The following PSG2 variants were observed in gnomAD, a reference collection of about 807,000 sequenced individuals.
PSG2 encodes the protein pregnancy-specific beta-1-glycoprotein 2.
Under a neutral mutation model 36.2 loss-of-function variants are expected in PSG2, and 49 were observed. The observed-to-expected ratio is 1.35, with a 90% CI of 1.08 to 1.72. The LOEUF is 1.72. PSG2 is among the 40% of genes most tolerant of loss of function. The pLI is 0.00. For missense variants in PSG2, 605 were observed against 407.2 expected (o/e 1.49, Z -4.18); for synonymous variants, 261 against 155.6 (o/e 1.68, Z -5.04).
rs865911855 is a variant in PSG2 at position 43,071,737 on chromosome 19, G to A, written c.927C>T (p.Gly309=). Residue 309 remains glycine, a synonymous_variant, in exon 4 of 6, where the codon GGC becomes GGT. Coordinates refer to ENST00000406487, the MANE Select transcript of PSG2 (RefSeq NM_031246.4). ...YVCSVRNSAT[G]EESSTSLTVK... is the part of the protein sequence containing the mutation. ...CTGTCAACGATGTGGAGCTTTCCTC[G>A]CCAGTGGCTGAGTTACGAACAGAGC... The A allele has an allele frequency of 8.1e-6, 13 of 1,612,732 alleles. No individual in the cohort carries two copies. In the Middle Eastern group the frequency reaches 4.9e-4, roughly 61 times the overall value.
At position 43,071,836 on chromosome 19, in the gene PSG2, A is replaced by G. The variant is rs139597843; in HGVS notation, c.828T>C (p.Asn276=). The stretch of plus-strand genomic sequence containing the variant: ...TTTGTCCTGATTGCTGAAACTTCCC[A>G]TTAATTGTCCAAGAATACTGTGCCG... ...NPPAQYSWTI[N]GKFQQSGQNL... The change falls in exon 4 of 6, where the codon AAT becomes AAC. Residue 276 remains asparagine, a synonymous_variant. Transcript: ENST00000406487. The G allele has an allele frequency of 6.2e-7, 1 of 1,613,178 alleles. No homozygotes were observed. Among genetic ancestry groups the G allele is most frequent in the South Asian group, 1.1e-5 (1 of 91,048 alleles).
At chr19:43,071,678 A>G (rs756830398) in intron 4 of PSG2, 22 bp downstream of exon 4, 1 of 1,612,834 alleles carries the variant, frequency 6.2e-7, no homozygotes, top group Non-Finnish European at 8.5e-7. Context: ...CCCTACTGCC[A>G]AGGATGCTGG....
At chr19:43,070,533 C>T (rs1233003433) in intron 4 of PSG2, among the ~76,000 whole-genome samples, 1 of 151,562 alleles carries the variant, frequency 6.6e-6, no homozygotes, top group African/African-American at 2.4e-5. Context: ...AATAAAATTC[C>T]AATACATCGT....
chr19:43,067,729 C>T (rs1967760048), intron 4 of PSG2, among the ~76,000 whole-genome samples: 1 of 151,416 alleles, frequency 6.6e-6, no homozygotes, highest in South Asian at 2.1e-4. Context: ...GACATTGGTT[C>T]CTCTGTGTGT....
intron 2 of PSG2, among the ~76,000 whole-genome samples, chr19:43,077,585 G>A (rs1020965098): frequency 3.3e-5 from 5 of 151,598 alleles, no homozygotes; most frequent in Admixed American, 1.3e-4. Context: ...TTATGAAAAC[G>A]GCATCATCAT....
chr19:43,075,779 G>A, intron 2 of PSG2, 147 bp from the exon 3 acceptor site: 1 of 1,465,834 alleles, frequency 6.8e-7, no homozygotes, highest in Non-Finnish European at 9.1e-7. Context: ...CAAGACAGAT[G>A]CATGGCAATC....
At chr19:43,080,769 G>A (rs1242235310) in intron 2 of PSG2, 112 bp downstream of exon 2, 2 of 1,594,068 alleles carry the variant, frequency 1.3e-6, no homozygotes, top group Non-Finnish European at 1.7e-6. Context: ...CCCCAGCATG[G>A]GACATAATGC....
intron 1 of PSG2, 97 bp downstream of exon 1, chr19:43,082,409 G>C: frequency 6.5e-6 from 10 of 1,544,692 alleles, no homozygotes; most frequent in East Asian, 2.3e-5. Flanking sequence ...CTAAGTGCTG[G>C]CTTCTTTCAT....
chr19:43,078,209 G>C (rs137875158), intron 2 of PSG2, among the ~76,000 whole-genome samples: 1 of 151,844 alleles, frequency 6.6e-6, no homozygotes, highest in East Asian at 1.9e-4. Flanking sequence ...TTAGTTTATG[G>C]TTTAATTTTG....
intron 2 of PSG2, among the ~76,000 whole-genome samples, chr19:43,079,751 C>T (rs1967945461): frequency 1.3e-5 from 2 of 151,696 alleles, no homozygotes; most frequent in Admixed American, 1.3e-4. Flanking sequence ...AATCAGCTGA[C>T]CATTTGCTCT....
rs1967986546 is a variant in PSG2, at chr19:43,082,120, C to CTTTTT, written c.64+385_64+386insAAAAA. 4.4e-4 allele frequency: 40 copies of CTTTTT among 90,836 alleles called. 1 individual carries two copies. Among genetic ancestry groups the CTTTTT allele is most frequent in the Non-Finnish European group, 6.9e-4 (31 of 45,158 alleles). The allele number at this position is 90,836 out of a possible 1,614,324, so 5.6% of individuals were successfully genotyped here. A position where few individuals can be genotyped will look rare whatever the true frequency, so the allele number is the denominator to read the frequency against. On this transcript the variant is annotated intron_variant, in intron 1 of 5. Coordinates refer to ENST00000406487, the MANE Select transcript of PSG2 (RefSeq NM_031246.4). ...TTCTTTCCTTTTATTTCTTTCTTCT[C>CTTTTT]TCTTTTTTTTTTTTTTTTTTTTTTT...
At position 43,071,687 on chromosome 19, in the gene PSG2, G is replaced by A. The variant is rs758703721; in HGVS notation, c.964+13C>T. 3 of 1,612,864 alleles carry A rather than the reference G, an allele frequency of 1.9e-6. 1 individual carries two copies. The South Asian group carries it at 3.3e-5, about 18-fold the overall frequency. ...CTAAAACCCTACTGCCAAGGATGCTGGGATCCACTTACCAGAGACTTTGAC... is the reference window on the plus strand; with the variant it reads ...CTAAAACCCTACTGCCAAGGATGCTAGGATCCACTTACCAGAGACTTTGAC... On this transcript the variant is annotated intron_variant, in intron 4 of 5. Transcript: ENST00000406487.
At chr19:43,072,348 T>C in intron 3 of PSG2, 1 of 1,612,336 alleles carries the variant, frequency 6.2e-7, no homozygotes, top group Non-Finnish European at 8.5e-7. Flanking sequence ...GAACAAAAGA[T>C]ACAGAGGACA....
At chr19:43,068,774 A>C (rs1386968659) in intron 4 of PSG2, among the ~76,000 whole-genome samples, 1 of 151,742 alleles carries the variant, frequency 6.6e-6, no homozygotes, top group African/African-American at 2.4e-5. Flanking sequence ...CTTAACGGAG[A>C]AAGACTGAAA....
chr19:43,073,776 A>G (rs547878795), intron 3 of PSG2, among the ~76,000 whole-genome samples: 2 of 151,786 alleles, frequency 1.3e-5, no homozygotes, highest in African/African-American at 4.9e-5. Flanking sequence ...TATAGTTCAC[A>G]CAGATTGAGT....
Position 43,071,165 on chromosome 19 carries a change from C to T in PSG2, c.964+535G>A, listed in dbSNP as rs192781502. Among the ~76,000 whole-genome samples the T allele has an allele frequency of 1.9e-4, 29 of 151,626 alleles. No individual in the cohort carries two copies. In the East Asian group the frequency reaches 4.5e-3, roughly 23 times the overall value. On this transcript the variant is annotated intron_variant, in intron 4 of 5. Coordinates refer to ENST00000406487, the MANE Select transcript of PSG2 (RefSeq NM_031246.4). ...CACAAGGGGTCTTTCTCCACACATG[C>T]TGGTCCCACCCCAGGTGGAGTCAAA...
intron 4 of PSG2, among the ~76,000 whole-genome samples, chr19:43,067,114 T>G (rs1967750853): frequency 6.6e-6 from 1 of 151,490 alleles, no homozygotes; most frequent in Non-Finnish European, 1.5e-5. Flanking sequence ...TCTCTTTAAC[T>G]CTAATGGGTG....
rs758136893 is a variant in PSG2 at position 43,081,222 on chromosome 19, A to G, written c.89T>C (p.Leu30Pro). 9.9e-6 allele frequency: 16 copies of G among 1,612,396 alleles called. No individual in the cohort carries two copies. The highest frequency in any genetic ancestry group is 9.9e-5 in the South Asian group (9 of 91,008). ...AATCGTGACTTGGGCAGTGGTGGGC[A>G]GGTTCCAGAAGTTTAAAAGTGATGC... Reference protein sequence around the residue: ...VTASLLNFWNLPTTAQVTIEA... With the variant: ...VTASLLNFWNPPTTAQVTIEA... Residue 30 changes from leucine (L) to proline (P), a missense_variant, in exon 2 of 6, where the codon CTG (leucine) becomes CCG (proline). Leu to Pro is a moderately conservative substitution (Grantham distance 98). Coordinates refer to ENST00000406487, the MANE Select transcript of PSG2 (RefSeq NM_031246.4).
chr19:43,081,376 C>T (rs1434723700), intron 1 of PSG2, 130 bp from the exon 2 acceptor site: 2 of 1,303,282 alleles, frequency 1.5e-6, no homozygotes, highest in African/African-American at 3.0e-5. Flanking sequence ...CACACACACA[C>T]ACACACACAC....
Sources: gnomAD v4.1 joint callset for allele counts (sites outside exome capture counted in the v4.1 genomes callset) on GRCh38, gnomAD v4.1.1 for gene constraint, MANE v1.5 for transcripts, NCBI Gene and HGNC (gene_info 2026-07-23, HGNC 2026-07-21) for gene names.